Variants in IL1RAPL2 observed in about 807,000 individuals in gnomAD.
IL1RAPL2 encodes X-linked interleukin-1 receptor accessory protein-like 2.
IL1RAPL2 carries 3 observed loss-of-function variants against 44.1 expected under a neutral mutation model. The observed-to-expected ratio is 0.07, with a 90% confidence interval of 0.03 to 0.18. The LOEUF is 0.18. Ranked by LOEUF, IL1RAPL2 falls within the 10% of genes least tolerant of loss-of-function variation. The probability of loss-of-function intolerance (pLI) is 1.00; values close to 1 mark genes in which losing one functional copy is unlikely to be tolerated. For synonymous variants in IL1RAPL2, 181 were observed against 178.8 expected, an observed-to-expected ratio of 1.01 and a Z score of -0.10; for missense variants, 391 against 496.4, an observed-to-expected ratio of 0.79 and a Z score of 2.02.
chrX:105,030,093 G>A (rs1305640396), intron 2 of IL1RAPL2, among the ~76,000 whole-genome samples: 1 of 109,794 alleles, frequency 9.1e-6, no homozygotes, highest in Non-Finnish European at 1.9e-5. Context: ...ACTTTTTGAT[G>A]GGTTTGTTTT....
chrX:105,504,411 T>C (rs1219323026), intron 6 of IL1RAPL2, among the ~76,000 whole-genome samples: 1 of 111,687 alleles, frequency 9.0e-6, no homozygotes, highest in Non-Finnish European at 1.9e-5. Context: ...CTTAAGTCCA[T>C]AGGGCTTACT....
At chrX:105,370,051 AGCAACCAT>A (rs2035325727) in intron 5 of IL1RAPL2, among the ~76,000 whole-genome samples, 1 of 111,951 alleles carries the variant, frequency 8.9e-6, no homozygotes, top group African/African-American at 3.2e-5. Flanking sequence ...AGAACTGAGT[AGCAACCAT>A]GCCTTTTCAA....
At chrX:104,635,680 G>T (rs1312573757) in intron 1 of IL1RAPL2, among the ~76,000 whole-genome samples, 1 of 111,807 alleles carries the variant, frequency 8.9e-6, no homozygotes, top group Non-Finnish European at 1.9e-5. Context: ...TCGTTCCGTG[G>T]TTTTCAGCTC....
At chrX:105,315,791 A>C (rs757162388) in intron 5 of IL1RAPL2, among the ~76,000 whole-genome samples, 50 of 102,683 alleles carry the variant, frequency 4.9e-4, no homozygotes, top group Middle Eastern at 5.1e-3. Context: ...CCTTTTCACT[A>C]ATTTGTGATT....
chrX:104,640,590 G>A (rs775610905), intron 1 of IL1RAPL2, among the ~76,000 whole-genome samples: 2 of 111,969 alleles, frequency 1.8e-5, no homozygotes, highest in East Asian at 5.6e-4. Flanking sequence ...TTATGTTGAT[G>A]TATGTACATC....
intron 6 of IL1RAPL2, among the ~76,000 whole-genome samples, chrX:105,535,019 A>G (rs1273145353): frequency 2.7e-5 from 3 of 111,981 alleles, no homozygotes; most frequent in African/African-American, 9.7e-5. Flanking sequence ...AAAATAGACA[A>G]GTTGACGTCA....
chrX:105,160,859 A>C (rs1439316254), intron 2 of IL1RAPL2, among the ~76,000 whole-genome samples: 1 of 111,809 alleles, frequency 8.9e-6, no homozygotes, highest in Non-Finnish European at 1.9e-5. Flanking sequence ...TCTTATTGAA[A>C]ATTTGCGCTT....
chrX:105,153,298 G>A (rs2033243150), intron 2 of IL1RAPL2, among the ~76,000 whole-genome samples: 1 of 111,795 alleles, frequency 8.9e-6, no homozygotes, highest in African/African-American at 3.3e-5. Context: ...GCCACATGAC[G>A]TATATAAACT....
intron 2 of IL1RAPL2, among the ~76,000 whole-genome samples, chrX:104,860,022 A>C (rs1005008858): frequency 1.8e-5 from 2 of 112,301 alleles, no homozygotes; most frequent in East Asian, 5.6e-4. Flanking sequence ...CAGATTTTAA[A>C]AAGGCATTTA....
chrX:104,726,410 C>T (rs2147567859), intron 2 of IL1RAPL2, among the ~76,000 whole-genome samples: 1 of 111,032 alleles, frequency 9.0e-6, no homozygotes, highest in East Asian at 2.8e-4. Context: ...TTTTCTAATT[C>T]TGTGAAGAAA....
chrX:104,822,750 G>T (rs912356863), intron 2 of IL1RAPL2, among the ~76,000 whole-genome samples: 1 of 111,693 alleles, frequency 9.0e-6, no homozygotes, highest in Non-Finnish European at 1.9e-5. Flanking sequence ...ATCTTTTTTG[G>T]TTCCATGTGA....
At chrX:105,406,321 T>C in intron 5 of IL1RAPL2, 2 of 1,055,314 alleles carry the variant, frequency 1.9e-6, no homozygotes, top group South Asian at 3.7e-5. Flanking sequence ...TTGAACCCAT[T>C]TTGAACTCCT....
At chrX:105,254,513 T>C (rs773504646) in intron 4 of IL1RAPL2, among the ~76,000 whole-genome samples, 4 of 112,073 alleles carry the variant, frequency 3.6e-5, no homozygotes, top group African/African-American at 9.7e-5. Context: ...TGCCTGTTTA[T>C]ATTGTTGAAA....
chrX:105,318,003 C>G (rs1445915405), intron 5 of IL1RAPL2, among the ~76,000 whole-genome samples: 13 of 106,130 alleles, frequency 1.2e-4, no homozygotes, highest in Non-Finnish European at 1.9e-4. Context: ...GACGAAGTCT[C>G]GCTCTGTCGC....
At chrX:105,262,698 A>G (rs759508254) in intron 4 of IL1RAPL2, among the ~76,000 whole-genome samples, 16 of 111,579 alleles carry the variant, frequency 1.4e-4, no homozygotes, top group Non-Finnish European at 2.6e-4. Context: ...ACCAATATCA[A>G]CATTAATACT....
At chrX:105,511,725 G>A (rs535158798) in intron 6 of IL1RAPL2, among the ~76,000 whole-genome samples, 1 of 111,631 alleles carries the variant, frequency 9.0e-6, no homozygotes, top group South Asian at 3.7e-4. Flanking sequence ...GAGAATGACT[G>A]TCTTAGCATC....
At chrX:104,843,418 C>T (rs1463755234) in intron 2 of IL1RAPL2, among the ~76,000 whole-genome samples, 1 of 110,924 alleles carries the variant, frequency 9.0e-6, no homozygotes, top group Non-Finnish European at 1.9e-5. Context: ...GTGGATGGTT[C>T]TCCTGTCTCG....
chrX:105,361,076 A>T (rs183865066), intron 5 of IL1RAPL2, among the ~76,000 whole-genome samples: 24 of 111,601 alleles, frequency 2.2e-4, no homozygotes, highest in African/African-American at 7.5e-4. Flanking sequence ...TCAAGAGAGA[A>T]TGTGGCCTCT....
At chrX:105,249,458 A>G (rs989032311) in intron 4 of IL1RAPL2, among the ~76,000 whole-genome samples, 5 of 111,613 alleles carry the variant, frequency 4.5e-5, no homozygotes, top group African/African-American at 1.6e-4. Context: ...TCTATAGTCA[A>G]AAATAATTTA....
Sources: allele counts gnomAD v4.1 joint callset (sites outside exome capture counted in the v4.1 genomes callset), GRCh38; gene constraint gnomAD v4.1.1; transcripts MANE v1.5; gene names NCBI Gene and HGNC (gene_info 2026-07-23, HGNC 2026-07-21).